Variants in RCC1 observed in about 807,000 individuals in gnomAD.
RCC1 encodes the protein regulator of chromosome condensation.
RCC1 carries 11 observed loss-of-function variants against 44.4 expected under a neutral mutation model. The observed-to-expected ratio is 0.25, with a 90% CI of 0.16 to 0.41. The LOEUF (loss-of-function observed/expected upper bound fraction) is 0.41. Among genes scored for constraint, RCC1 ranks in the 10% least tolerant of loss-of-function variants. RCC1 has a pLI of 1.00. For synonymous variants in RCC1, 213 were observed against 216.5 expected, an observed-to-expected ratio of 0.98 and a Z score of 0.14; for missense variants, 386 against 547.1, an observed-to-expected ratio of 0.71 and a Z score of 2.94.
chr1:28,515,289 CA>C (rs985686842), intron 3 of RCC1, among the ~76,000 whole-genome samples: 15 of 146,116 alleles, frequency 1.0e-4, no homozygotes, highest in South Asian at 6.5e-4. Flanking sequence ...GACTCCGTCT[CA>C]AAAAAAAAAA....
chr1:28,526,670 T>A, intron 4 of RCC1: 1 of 478,118 alleles, frequency 2.1e-6, no homozygotes, highest in Non-Finnish European at 3.8e-6. Context: ...CTGAGGTGGG[T>A]GGATCACCTG....
chr1:28,516,905 G>A (rs544310690), intron 4 of RCC1, 38 bp downstream of exon 4: 3 of 455,252 alleles, frequency 6.6e-6, no homozygotes, highest in South Asian at 1.6e-5. Flanking sequence ...CTTTGTGGCA[G>A]GCTCTGCATA....
intron 8 of RCC1, 51 bp downstream of exon 8, chr1:28,535,197 G>C (rs1664468177): frequency 1.2e-6 from 2 of 1,614,016 alleles, no homozygotes; most frequent in Non-Finnish European, 1.7e-6. Flanking sequence ...CCTTGTTCTG[G>C]GGCTGGCCTA....
chr1:28,530,495 A>C (rs1428034924), intron 5 of RCC1: 3 of 1,584,084 alleles, frequency 1.9e-6, no homozygotes, highest in Non-Finnish European at 2.6e-6. Context: ...GTGTGGACCC[A>C]CGCTCAGACA....
intron 9 of RCC1, 91 bp downstream of exon 9, chr1:28,535,471 T>C: frequency 6.4e-7 from 1 of 1,574,110 alleles, no homozygotes; most frequent in South Asian, 1.2e-5. Flanking sequence ...GTGGTCAGGC[T>C]TGCATCAGAT....
Position 28,532,153 on chromosome 1 carries a change from A to AGGGCATCCT in RCC1, c.262-12_262-4dup, listed in dbSNP as rs1664218858. ...TGCGAGGCCAGACGTTGCATTAATG[A>AGGGCATCCT]GGGCATCCTGGGCACAGGTCTATTC... On this transcript the variant is annotated splice_polypyrimidine_tract_variant and intron_variant, in intron 6 of 12. Transcript: ENST00000683442. 1 of 1,607,620 alleles carries AGGGCATCCT rather than the reference A, an allele frequency of 6.2e-7. No homozygotes were observed. Among genetic ancestry groups the AGGGCATCCT allele is most frequent in the Admixed American group, 1.7e-5 (1 of 58,958 alleles).
chr1:28,518,818 C>T (rs576675577), intron 4 of RCC1: 3 of 152,382 alleles, frequency 2.0e-5, no homozygotes, highest in South Asian at 4.1e-4. Context: ...TTGAACTCCG[C>T]AGCAGCTCAG....
At chr1:28,533,840 CTT>C (rs1664351916) in intron 7 of RCC1, among the ~76,000 whole-genome samples, 1 of 32,674 alleles carries the variant, frequency 3.1e-5, no homozygotes, top group Non-Finnish European at 6.6e-5. Flanking sequence ...CTTTTCTTTT[CTT>C]TTCTTTTTTT....
chr1:28,521,450 G>A (rs1407328478), intron 4 of RCC1, among the ~76,000 whole-genome samples: 1 of 147,038 alleles, frequency 6.8e-6, no homozygotes, highest in Non-Finnish European at 1.5e-5. Context: ...GCAGTGAGCC[G>A]ATATCGCGCC....
chr1:28,506,216 T>TTTA, intron 1 of RCC1, 132 bp downstream of exon 1: 2 of 436,922 alleles, frequency 4.6e-6, no homozygotes, highest in Non-Finnish European at 9.0e-6. Context: ...TTTTTTTTTT[T>TTTA]GAGACGGAGT....
intron 3 of RCC1, among the ~76,000 whole-genome samples, chr1:28,513,614 T>C (rs1273926666): frequency 6.6e-6 from 1 of 152,120 alleles, no homozygotes; most frequent in East Asian, 1.9e-4. Context: ...GGTCTCACTC[T>C]GTCACCCAGG....
intron 4 of RCC1, among the ~76,000 whole-genome samples, chr1:28,519,863 G>A (rs915127700): frequency 1.3e-5 from 2 of 150,694 alleles, no homozygotes; most frequent in Non-Finnish European, 3.0e-5. Flanking sequence ...GTGAGCCACC[G>A]CACCCGGCCA....
intron 4 of RCC1, among the ~76,000 whole-genome samples, chr1:28,517,196 T>C (rs971011849): frequency 6.6e-6 from 1 of 152,050 alleles, no homozygotes; most frequent in Non-Finnish European, 1.5e-5. Flanking sequence ...TGCCGTAGAA[T>C]GACTCAGAGT....
intron 4 of RCC1, among the ~76,000 whole-genome samples, chr1:28,529,199 T>A (rs1255966582): frequency 7.0e-6 from 1 of 142,632 alleles, no homozygotes; most frequent in African/African-American, 2.6e-5. Context: ...TTTTTTTTTT[T>A]TTTTGAGACA....
chr1:28,522,508 T>A (rs1488945177), intron 4 of RCC1, among the ~76,000 whole-genome samples: 8 of 151,876 alleles, frequency 5.3e-5, no homozygotes. Flanking sequence ...GTTTGAGGTT[T>A]GGAAAGATCA....
intron 5 of RCC1, among the ~76,000 whole-genome samples, chr1:28,531,265 C>CTT (rs1178899130): frequency 8.3e-5 from 11 of 132,132 alleles, no homozygotes; most frequent in African/African-American, 1.5e-4. Context: ...TTTTCTTTTT[C>CTT]TTTTTTTTTT....
intron 7 of RCC1, among the ~76,000 whole-genome samples, chr1:28,533,825 TTTTTCTTTTCTTTTC>T (rs1557879700): frequency 6.2e-5 from 8 of 129,390 alleles, no homozygotes; most frequent in Admixed American, 8.1e-5. Flanking sequence ...GAATTATATT[TTTTTCTTTTCTTTTC>T]TTTTCTTTTT....
In RCC1 at chr1:28,524,495, G is replaced by C. The variant is rs192831304; in HGVS notation, c.-9-5363G>C. On this transcript the variant is annotated intron_variant, in intron 4 of 12. Transcript: ENST00000683442. Reference sequence around the variant, plus strand: ...GATCGCTTGAGTCCATGAGTTCGAGGCTGCAATAAGCTAATTGCACCACTG... The same window carrying C: ...GATCGCTTGAGTCCATGAGTTCGAGCCTGCAATAAGCTAATTGCACCACTG... Among the ~76,000 whole-genome samples the C allele has an allele frequency of 4.5e-3, 688 of 152,166 alleles. 4 individuals carry two copies. Among genetic ancestry groups the C allele is most frequent in the African/African-American group, 0.014 (574 of 41,502 alleles).
At chr1:28,527,632 A>T (rs1385004709) in intron 4 of RCC1, among the ~76,000 whole-genome samples, 2 of 152,186 alleles carry the variant, frequency 1.3e-5, no homozygotes, top group African/African-American at 4.8e-5. Context: ...TGGTGCTTAC[A>T]TGGGGTTGAA....
Sources: gnomAD v4.1 joint callset for allele counts (sites outside exome capture counted in the v4.1 genomes callset) on GRCh38, gnomAD v4.1.1 for gene constraint, MANE v1.5 for transcripts, NCBI Gene and HGNC (gene_info 2026-07-23, HGNC 2026-07-21) for gene names.